BMPR1B: variants seen among roughly 807,000 people sequenced by gnomAD.
BMPR1B encodes bone morphogenetic protein receptor type 1B, also known as bone morphogenetic protein receptor type-1B.
BMPR1B carries 12 observed loss-of-function variants against 59.1 expected under a neutral mutation model. That is an observed-to-expected ratio of 0.20 (90% CI 0.13 to 0.33). The LOEUF (loss-of-function observed/expected upper bound fraction) is 0.33, where lower values mean the gene tolerates loss of function less well. BMPR1B is among the 10% of genes least tolerant of loss of function. The pLI, the probability that BMPR1B is intolerant of heterozygous loss-of-function variation, is 1.00. For synonymous variants in BMPR1B, 237 were observed against 207.3 expected (o/e 1.14, Z -1.23); for missense variants, 550 against 610.9 (o/e 0.90, Z 1.05).
intron 1 of BMPR1B, among the ~76,000 whole-genome samples, chr4:94,787,538 C>T (rs1337482095): frequency 9.2e-5 from 14 of 152,156 alleles, no homozygotes; most frequent in Admixed American, 2.6e-4. Flanking sequence ...CAGTTTATTA[C>T]ACTTAGCTCA....
intron 3 of BMPR1B, among the ~76,000 whole-genome samples, chr4:94,998,383 T>C (rs980587608): frequency 5.3e-5 from 8 of 151,882 alleles, no homozygotes; most frequent in African/African-American, 9.7e-5. Context: ...TCCTTTTTTT[T>C]TTTTTTTGAG....
At chr4:94,968,702 C>T (rs1396228030) in intron 2 of BMPR1B, among the ~76,000 whole-genome samples, 2 of 152,174 alleles carry the variant, frequency 1.3e-5, no homozygotes, top group Non-Finnish European at 2.9e-5. Context: ...TTCTCTGTTA[C>T]TCTGTAACAT....
At chr4:94,759,366 T>G (rs937833491) in intron 1 of BMPR1B, among the ~76,000 whole-genome samples, 1 of 152,190 alleles carries the variant, frequency 6.6e-6, no homozygotes, top group Admixed American at 6.5e-5. Context: ...GGTTCTTGAG[T>G]TCTGCAAAGA....
chr4:94,773,716 AT>A (rs748992497), intron 1 of BMPR1B, among the ~76,000 whole-genome samples: 3 of 152,100 alleles, frequency 2.0e-5, no homozygotes, highest in Non-Finnish European at 4.4e-5. Context: ...AACATGATAA[AT>A]TAGTTTCTGT....
chr4:94,777,185 A>G (rs548316876), intron 1 of BMPR1B, among the ~76,000 whole-genome samples: 10 of 152,072 alleles, frequency 6.6e-5, no homozygotes, highest in African/African-American at 9.7e-5. Context: ...CTAATTTACA[A>G]TTCTACCAGC....
intron 3 of BMPR1B, chr4:95,051,687 C>T (rs1726512601): frequency 2.0e-6 from 3 of 1,535,364 alleles, no homozygotes; most frequent in African/African-American, 2.7e-5. Context: ...ACATTGACTG[C>T]TCTGCTGCTG....
chr4:94,817,062 G>A (rs927398720), intron 1 of BMPR1B, among the ~76,000 whole-genome samples: 4 of 152,188 alleles, frequency 2.6e-5, no homozygotes, highest in East Asian at 1.9e-4. Context: ...ATTCTGCCAC[G>A]TGCGGGACAC....
At chr4:95,061,376 C>T (rs1727381784) in intron 3 of BMPR1B, among the ~76,000 whole-genome samples, 1 of 152,106 alleles carries the variant, frequency 6.6e-6, no homozygotes, top group African/African-American at 2.4e-5. Context: ...GGAAGCTCAG[C>T]AATGCAGCTG....
intron 3 of BMPR1B, among the ~76,000 whole-genome samples, chr4:95,005,794 G>A (rs1029522511): frequency 9.9e-5 from 15 of 151,794 alleles, no homozygotes; most frequent in African/African-American, 3.6e-4. Context: ...CTCTTTTTGT[G>A]TGTGTGCATT....
chr4:95,084,165 A>G (rs967094905), intron 3 of BMPR1B, among the ~76,000 whole-genome samples: 4 of 151,786 alleles, frequency 2.6e-5, no homozygotes, highest in African/African-American at 9.6e-5. Flanking sequence ...AGGTTAAATC[A>G]GTGACATTCA....
At chr4:94,943,283 G>A (rs1473146784) in intron 2 of BMPR1B, among the ~76,000 whole-genome samples, 5 of 152,222 alleles carry the variant, frequency 3.3e-5, no homozygotes, top group African/African-American at 1.2e-4. Context: ...GGGATTACAG[G>A]CATGCGCCAC....
chr4:95,123,790 C>G lies in BMPR1B; in HGVS notation c.350-20C>G, dbSNP rs1553940954. The G allele has an allele frequency of 6.5e-7, 1 of 1,549,140 alleles. No individual in the cohort carries two copies. Among genetic ancestry groups the G allele is most frequent in the Non-Finnish European group, 8.9e-7 (1 of 1,125,056 alleles). On this transcript the variant is annotated intron_variant, in intron 6 of 12. Transcript: ENST00000515059. ...TAAAAATATTCTCTTGATTATGGCT[C>G]TTTTTCTTTTTAATTTCAGATTTTG...
At chr4:95,136,584 C>T (rs1335007996) in intron 10 of BMPR1B, among the ~76,000 whole-genome samples, 5 of 152,096 alleles carry the variant, frequency 3.3e-5, no homozygotes, top group African/African-American at 9.7e-5. Context: ...GCCTCAATTT[C>T]AGAGCCTGTT....
intron 3 of BMPR1B, among the ~76,000 whole-genome samples, chr4:95,011,477 A>G (rs1180396867): frequency 6.6e-6 from 1 of 152,124 alleles, no homozygotes; most frequent in Non-Finnish European, 1.5e-5. Flanking sequence ...TCGGTGACAC[A>G]TATGGTTCAT....
intron 1 of BMPR1B, among the ~76,000 whole-genome samples, chr4:94,773,449 T>G (rs1268766278): frequency 6.6e-6 from 1 of 152,130 alleles, no homozygotes; most frequent in Non-Finnish European, 1.5e-5. Flanking sequence ...CGTACAAATC[T>G]AATAATTATA....
chr4:94,833,914 AT>A (rs1295009030), intron 1 of BMPR1B, among the ~76,000 whole-genome samples: 1 of 152,212 alleles, frequency 6.6e-6, no homozygotes, highest in East Asian at 1.9e-4. Context: ...GAGATTAGGC[AT>A]TTTTTGTTGT....
chr4:94,942,332 T>A (rs1331345089), intron 2 of BMPR1B, among the ~76,000 whole-genome samples: 2 of 152,204 alleles, frequency 1.3e-5, no homozygotes, highest in Non-Finnish European at 2.9e-5. Flanking sequence ...GTAAACAACA[T>A]GTCTTTATAT....
chr4:94,932,812 A>G (rs568879334), intron 2 of BMPR1B, among the ~76,000 whole-genome samples: 32 of 152,072 alleles, frequency 2.1e-4, no homozygotes, highest in African/African-American at 2.9e-4. Context: ...GGGTATCAGG[A>G]TTTGCTGGAC....
intron 3 of BMPR1B, among the ~76,000 whole-genome samples, chr4:95,093,022 C>T (rs570968887): frequency 7.9e-5 from 12 of 152,056 alleles, no homozygotes; most frequent in Non-Finnish European, 1.2e-4. Flanking sequence ...AAAGAGACCA[C>T]GGTTCAGTTT....
Sources: gnomAD v4.1 joint callset for allele counts (sites outside exome capture counted in the v4.1 genomes callset) on GRCh38, gnomAD v4.1.1 for gene constraint, MANE v1.5 for transcripts, NCBI Gene and HGNC (gene_info 2026-07-23, HGNC 2026-07-21) for gene names.